LONP2: variants seen among roughly 807,000 people sequenced by gnomAD.
The protein encoded by LONP2 is lon protease homolog 2, peroxisomal.
Under a neutral mutation model 85.6 loss-of-function variants are expected in LONP2, and 60 were observed. That is an observed-to-expected ratio of 0.70 (90% CI 0.57 to 0.87). LONP2 has a LOEUF of 0.87. LONP2 is among the 40% of genes least tolerant of loss of function. LONP2 has a pLI of 0.00. For missense variants in LONP2, 860 were observed against 1,063.5 expected, an observed-to-expected ratio of 0.81 and a Z score of 2.66; for synonymous variants, 395 against 389.7, an observed-to-expected ratio of 1.01 and a Z score of -0.16.
chr16:48,334,270 C>T lies in LONP2; in HGVS notation c.1850C>T (p.Thr617Ile), dbSNP rs777901739. ...DEKPESISDTTDLALPPEMPI... is the reference protein window; with the variant it reads ...DEKPESISDTIDLALPPEMPI... ...AAACCTGAATCTATCAGTGACACTA[C>T]TGACTTGGCTCTACCACCTGAAATG... Residue 617 changes from threonine to isoleucine, a missense_variant, in exon 12 of 15, where the codon ACT becomes ATT. Physicochemically the swap from Thr to Ile is moderately conservative, Grantham distance 89. This residue lies in a region of LONP2 where 743 missense variants were observed against 917.3 expected (regional missense o/e 0.81). Transcript: ENST00000285737. 3.1e-6 allele frequency: 5 copies of T among 1,613,956 alleles called. No individual in the cohort carries two copies. The highest frequency in any genetic ancestry group is 4.2e-6 in the Non-Finnish European group (5 of 1,179,916).
chr16:48,267,124 T>C (rs962245690), intron 6 of LONP2, among the ~76,000 whole-genome samples: 1 of 152,190 alleles, frequency 6.6e-6, no homozygotes, highest in Admixed American at 6.5e-5. Context: ...TAGAGATGTG[T>C]AGCAGCCATG....
intron 14 of LONP2, 108 bp from the exon 15 acceptor site, chr16:48,351,473 G>T (rs1266518775): frequency 2.5e-6 from 2 of 805,408 alleles, no homozygotes; most frequent in Admixed American, 2.8e-5. Context: ...AGATGATTTG[G>T]ATGTTTTAAA....
At chr16:48,262,906 A>G (rs1971908003) in intron 6 of LONP2, 34 bp downstream of exon 6, 6 of 1,329,554 alleles carry the variant, frequency 4.5e-6, no homozygotes, top group Non-Finnish European at 6.4e-6. Context: ...TTTGCAGTCT[A>G]ATTGTCACTC....
chr16:48,288,329 A>G (rs1040667108), intron 8 of LONP2, among the ~76,000 whole-genome samples: 6 of 151,748 alleles, frequency 4.0e-5, no homozygotes, highest in African/African-American at 1.5e-4. Flanking sequence ...AATTTTTTGT[A>G]TCTTTAGTAG....
At chr16:48,350,816 T>C (rs982187214) in intron 14 of LONP2, among the ~76,000 whole-genome samples, 2 of 152,160 alleles carry the variant, frequency 1.3e-5, no homozygotes, top group East Asian at 3.9e-4. Flanking sequence ...CCATGGTGGT[T>C]GACTCATGTG....
At chr16:48,338,551 G>C (rs112897810) in intron 12 of LONP2, among the ~76,000 whole-genome samples, 3 of 152,294 alleles carry the variant, frequency 2.0e-5, no homozygotes, top group Middle Eastern at 3.4e-3. Context: ...GGGAAGACTT[G>C]GGGAGGGAGA....
chr16:48,318,379 C>T (rs1461461617), intron 11 of LONP2, among the ~76,000 whole-genome samples: 8 of 151,912 alleles, frequency 5.3e-5, no homozygotes, highest in African/African-American at 1.7e-4. Context: ...ATTAGCTGGG[C>T]GTGGTGGCAC....
Position 48,352,960 on chromosome 16 carries a change from C to T in LONP2, c.*1158C>T, listed in dbSNP as rs935518852. 6.6e-6 allele frequency: 1 copy of T among 152,216 alleles called. No individual in the cohort carries two copies. The highest frequency in any genetic ancestry group is 2.4e-5 in the African/African-American group (1 of 41,462). The allele number at this position is 152,216 out of a possible 1,614,324, so 9.4% of individuals were successfully genotyped here. ...CATGTGCTCCTGCTGGGACTCAATT[C>T]AGGCTATGTATGACTATGAAGTCAG... On this transcript the variant is annotated 3_prime_UTR_variant, in exon 15 of 15. Transcript: ENST00000285737.
chr16:48,260,347 A>C (rs1971848556), intron 4 of LONP2, among the ~76,000 whole-genome samples: 1 of 152,244 alleles, frequency 6.6e-6, no homozygotes, highest in Non-Finnish European at 1.5e-5. Context: ...CTGTAATCCC[A>C]GCACTTTGGG....
intron 11 of LONP2, 22 bp downstream of exon 11, chr16:48,303,327 T>A (rs779024798): frequency 6.2e-7 from 1 of 1,608,886 alleles, no homozygotes; most frequent in South Asian, 1.1e-5. Flanking sequence ...TGTTCTGGCA[T>A]TCTCAGGCCT....
In LONP2 at chr16:48,353,721, CTG is replaced by C. The variant is rs1479841473; in HGVS notation, c.*1922_*1923del. 6.6e-6 allele frequency: 1 copy of C among 152,064 alleles called. No individual in the cohort carries two copies. Among genetic ancestry groups the C allele is most frequent in the African/African-American group, 2.4e-5 (1 of 41,390 alleles). 9.4% of individuals were successfully genotyped at this position (152,064 alleles called of 1,614,324 possible). A position where few individuals can be genotyped will look rare whatever the true frequency, so the allele number is the denominator to read the frequency against. On this transcript the variant is annotated 3_prime_UTR_variant, in exon 15 of 15. Coordinates refer to ENST00000285737, the MANE Select transcript of LONP2 (RefSeq NM_031490.5). ...TCATCTAACTGGGGACTAGAACAAA[CTG>C]TGAATTCACTTTCAGCAACCAGAGG...
At chr16:48,336,839 G>A (rs1454681210) in intron 12 of LONP2, among the ~76,000 whole-genome samples, 1 of 152,124 alleles carries the variant, frequency 6.6e-6, no homozygotes, top group African/African-American at 2.4e-5. Context: ...CTTAGCTTGG[G>A]CTCAGAGGCC....
rs2150950872 is a variant in LONP2 at position 48,244,704 on chromosome 16, C to A, written c.233+83C>A. 7 of 1,022,144 alleles carry A rather than the reference C, an allele frequency of 6.8e-6. No homozygotes were observed. In the Admixed American group the frequency reaches 1.7e-4, roughly 25 times the overall value. The allele number at this position is 1,022,144 out of a possible 1,614,324, so 63.3% of individuals were successfully genotyped here. On this transcript the variant is annotated intron_variant, in intron 1 of 14. Transcript: ENST00000285737. ...GGCCCAGGCCACGGCCTGCCTTGAG[C>A]GCGAGGCTCAGTTCGGGGCGGCCTT...
At chr16:48,281,594 T>C (rs1250752216) in intron 8 of LONP2, among the ~76,000 whole-genome samples, 1 of 152,188 alleles carries the variant, frequency 6.6e-6, no homozygotes, top group African/African-American at 2.4e-5. Flanking sequence ...GTCCAGACTT[T>C]ATTGTTAAAT....
At chr16:48,334,544 C>T (rs988013009) in intron 12 of LONP2, 186 bp downstream of exon 12, 24 of 727,154 alleles carry the variant, frequency 3.3e-5, no homozygotes, top group Middle Eastern at 2.8e-4. Context: ...TGCATGGGGG[C>T]GCAGGCGAGC....
chr16:48,286,042 T>C (rs1280660341), intron 8 of LONP2, among the ~76,000 whole-genome samples: 3 of 152,206 alleles, frequency 2.0e-5, no homozygotes, highest in African/African-American at 7.2e-5. Flanking sequence ...CATACGGTAC[T>C]TATCTTTTTA....
Position 48,258,677 on chromosome 16 carries a change from A to G in LONP2, c.660A>G (p.Arg220=), listed in dbSNP as rs1205043816. The G allele has an allele frequency of 2.5e-6, 4 of 1,612,348 alleles. No individual in the cohort carries two copies. Among genetic ancestry groups the G allele is most frequent in the African/African-American group, 1.3e-5 (1 of 74,782 alleles). The stretch of plus-strand genomic sequence containing the variant: ...AGATGACTATACCACTGCTTGTCAG[A>G]CAAATTGAAGGCCTGAAATTGCTTC... The part of the protein sequence containing the change: ...RFKMTIPLLV[R]QIEGLKLLQK... The change falls in exon 4 of 15, where the codon AGA becomes AGG. Residue 220 remains arginine (R), a synonymous_variant. Transcript: ENST00000285737.
At chr16:48,291,434 A>G (rs1972555032) in intron 8 of LONP2, among the ~76,000 whole-genome samples, 1 of 152,256 alleles carries the variant, frequency 6.6e-6, no homozygotes, top group Non-Finnish European at 1.5e-5. Context: ...AGACATCTAT[A>G]GTTCTTCTCT....
rs1960145318 is a variant in LONP2, at chr16:48,351,495, T to TA, written c.2338-83dup. Reference sequence around the variant, plus strand: ...TTGGATGTTTTAAAATAGTAGTGGTTAAATTCAGTGAAAGAAAGCTGGGTC... The same window carrying TA: ...TTGGATGTTTTAAAATAGTAGTGGTTAAAATTCAGTGAAAGAAAGCTGGGTC... On this transcript the variant is annotated intron_variant, in intron 14 of 14. Transcript: ENST00000285737. The TA allele has an allele frequency of 3.9e-6, 4 of 1,032,210 alleles. No homozygotes were observed. In the Admixed American group the frequency reaches 7.7e-5, roughly 20 times the overall value. The allele number at this position is 1,032,210 out of a possible 1,614,324, so 63.9% of individuals were successfully genotyped here. A position where few individuals can be genotyped will look rare whatever the true frequency, so the allele number is the denominator to read the frequency against.
Sources: allele counts gnomAD v4.1 joint callset (sites outside exome capture counted in the v4.1 genomes callset), GRCh38; gene constraint gnomAD v4.1.1; regional missense constraint gnomAD v4.1.1; transcripts MANE v1.5; gene names NCBI Gene and HGNC (gene_info 2026-07-23, HGNC 2026-07-21).